OSBP2: variants seen among roughly 807,000 people sequenced by gnomAD.
OSBP2 encodes oxysterol-binding protein 2.
In OSBP2, 66 loss-of-function variants were observed where a neutral mutation model predicts 96.0. That is an observed-to-expected ratio of 0.69 (90% CI 0.56 to 0.84). OSBP2 has a LOEUF of 0.84. Ranked by LOEUF, OSBP2 falls within the 40% of genes least tolerant of loss-of-function variation. The pLI, the probability that OSBP2 is intolerant of heterozygous loss-of-function variation, is 0.00. For missense variants in OSBP2, 1,038 were observed against 1,222.7 expected, an observed-to-expected ratio of 0.85 and a Z score of 2.25; for synonymous variants, 525 against 520.9, an observed-to-expected ratio of 1.01 and a Z score of -0.11.
At chr22:30,803,397 C>T (rs1790031587) in intron 2 of OSBP2, among the ~76,000 whole-genome samples, 2 of 152,212 alleles carry the variant, frequency 1.3e-5, no homozygotes, top group African/African-American at 2.4e-5. Context: ...AAGGGTTTAG[C>T]CAGAAGCCAG....
chr22:30,845,978 T>C (rs556358556), intron 2 of OSBP2, among the ~76,000 whole-genome samples: 2 of 152,148 alleles, frequency 1.3e-5, no homozygotes, highest in South Asian at 4.2e-4. Context: ...GACATTAACT[T>C]TGGGCCCATA....
At chr22:30,770,267 T>G (rs997796961) in intron 2 of OSBP2, among the ~76,000 whole-genome samples, 3 of 151,890 alleles carry the variant, frequency 2.0e-5, no homozygotes, top group Admixed American at 1.3e-4. Context: ...GCCTGGCTAA[T>G]TTTTGTATTT....
At chr22:30,781,664 G>T (rs1210102970) in intron 2 of OSBP2, among the ~76,000 whole-genome samples, 1 of 152,200 alleles carries the variant, frequency 6.6e-6, no homozygotes, top group African/African-American at 2.4e-5. Flanking sequence ...AGGGGAAGGT[G>T]GGGGCTGGTG....
intron 1 of OSBP2, among the ~76,000 whole-genome samples, chr22:30,736,069 A>G (rs1399608623): frequency 1.3e-5 from 2 of 151,968 alleles, no homozygotes; most frequent in Admixed American, 6.6e-5. Context: ...ACACACCACC[A>G]TGCCCAGCTA....
intron 1 of OSBP2, among the ~76,000 whole-genome samples, chr22:30,696,508 C>G (rs980951485): frequency 3.3e-5 from 5 of 152,170 alleles, no homozygotes; most frequent in Non-Finnish European, 7.3e-5. Flanking sequence ...GCTGGTGATG[C>G]TGGTCCAGGA....
intron 2 of OSBP2, among the ~76,000 whole-genome samples, chr22:30,831,561 T>C (rs1299136148): frequency 1.3e-5 from 2 of 152,162 alleles, no homozygotes; most frequent in African/African-American, 2.4e-5. Context: ...ACCTGCTTCT[T>C]GACTTGTGGG....
chr22:30,732,203 C>G (rs1314324889), intron 1 of OSBP2, among the ~76,000 whole-genome samples: 1 of 152,122 alleles, frequency 6.6e-6, no homozygotes, highest in Non-Finnish European at 1.5e-5. Flanking sequence ...ACTCGGGAGG[C>G]TGAGACAGGA....
chr22:30,884,670 G>A (rs149308332), intron 3 of OSBP2, among the ~76,000 whole-genome samples: 9 of 152,232 alleles, frequency 5.9e-5, no homozygotes, highest in African/African-American at 1.4e-4. Context: ...GGCCAGCCAC[G>A]AGAGCTCGGG....
At chr22:30,880,198 C>T (rs2039671629) in intron 3 of OSBP2, among the ~76,000 whole-genome samples, 1 of 152,350 alleles carries the variant, frequency 6.6e-6, no homozygotes, top group Middle Eastern at 3.4e-3. Context: ...TTCAGAACCC[C>T]AGGCTGGTGA....
chr22:30,876,987 C>T (rs1457757437), intron 3 of OSBP2, among the ~76,000 whole-genome samples: 1 of 152,156 alleles, frequency 6.6e-6, no homozygotes, highest in Non-Finnish European at 1.5e-5. Context: ...GCACCACTGG[C>T]CACCCACCTT....
intron 2 of OSBP2, among the ~76,000 whole-genome samples, chr22:30,781,473 C>T (rs561395277): frequency 1.3e-5 from 2 of 152,268 alleles, no homozygotes; most frequent in South Asian, 4.1e-4. Context: ...GTGGCTCAGG[C>T]CCCAGCCTGA....
chr22:30,900,037 T>C (rs1362126267), intron 12 of OSBP2, among the ~76,000 whole-genome samples: 5 of 152,164 alleles, frequency 3.3e-5, no homozygotes, highest in Non-Finnish European at 7.4e-5. Context: ...GGCAGGCAGA[T>C]CACCTGAGGT....
chr22:30,770,520 A>G (rs1444652142), intron 2 of OSBP2: 2 of 152,226 alleles, frequency 1.3e-5, no homozygotes, highest in Non-Finnish European at 2.9e-5. Flanking sequence ...AGACTAATAC[A>G]TACAGGGATC....
chr22:30,719,983 G>A (rs2089522911), intron 1 of OSBP2, among the ~76,000 whole-genome samples: 2 of 152,148 alleles, frequency 1.3e-5, no homozygotes, highest in African/African-American at 4.8e-5. Flanking sequence ...GTAACAGAGA[G>A]CAAACCTCTA....
intron 12 of OSBP2, among the ~76,000 whole-genome samples, chr22:30,898,151 C>T (rs942330324): frequency 7.2e-5 from 11 of 151,854 alleles, no homozygotes; most frequent in Non-Finnish European, 1.5e-4. Context: ...CAAAAGCCTG[C>T]GCAACATAGT....
chr22:30,772,557 G>A (rs2090362370), intron 2 of OSBP2, among the ~76,000 whole-genome samples: 1 of 152,180 alleles, frequency 6.6e-6, no homozygotes, highest in South Asian at 2.1e-4. Flanking sequence ...TCAGAGCCTG[G>A]CCACAGAAGC....
intron 2 of OSBP2, among the ~76,000 whole-genome samples, chr22:30,777,040 C>G (rs1232491970): frequency 1.3e-5 from 2 of 152,178 alleles, no homozygotes; most frequent in Non-Finnish European, 2.9e-5. Flanking sequence ...CCCATTGTAT[C>G]TAGGAAGTAA....
At chr22:30,754,590 A>G (rs548652572) in intron 2 of OSBP2, among the ~76,000 whole-genome samples, 5 of 152,208 alleles carry the variant, frequency 3.3e-5, no homozygotes, top group African/African-American at 1.2e-4. Flanking sequence ...CCCTTGGCTT[A>G]CACCCCACCC....
chr22:30,728,786 T>G (rs2089696295), intron 1 of OSBP2, among the ~76,000 whole-genome samples: 1 of 152,228 alleles, frequency 6.6e-6, no homozygotes, highest in Non-Finnish European at 1.5e-5. Flanking sequence ...TGTGAGCCAC[T>G]GCCTCTTCCA....
Sources: gnomAD v4.1 joint callset for allele counts (sites outside exome capture counted in the v4.1 genomes callset) on GRCh38, gnomAD v4.1.1 for gene constraint, MANE v1.5 for transcripts, NCBI Gene and HGNC (gene_info 2026-07-23, HGNC 2026-07-21) for gene names.